Variants in SEH1L observed in about 807,000 individuals in gnomAD.
SEH1L encodes the protein SEH1 like nucleoporin, also known as nucleoporin SEH1.
A neutral mutation model predicts 49.5 loss-of-function variants in SEH1L; 18 were observed. The ratio of observed to expected loss-of-function variants is 0.36; its 90% confidence interval spans 0.25 to 0.54. The LOEUF (loss-of-function observed/expected upper bound fraction) is 0.54, where lower values mean the gene tolerates loss of function less well. Ranked by LOEUF, SEH1L falls within the 20% of genes least tolerant of loss-of-function variation. The pLI is 0.87. For missense variants in SEH1L, 404 were observed against 528.8 expected, an observed-to-expected ratio of 0.76 and a Z score of 2.31; for synonymous variants, 169 against 178.1, an observed-to-expected ratio of 0.95 and a Z score of 0.41.
intron 8 of SEH1L, 55 bp from the exon 9 acceptor site, chr18:12,986,807 T>TC: frequency 7.5e-7 from 1 of 1,325,798 alleles, no homozygotes; most frequent in Non-Finnish European, 9.7e-7. Flanking sequence ...TCTTGTGTTT[T>TC]TTTTTTCCTG....
intron 8 of SEH1L, chr18:12,986,275 G>GT (rs2032453835): frequency 1.0e-6 from 1 of 985,368 alleles, no homozygotes; most frequent in African/African-American, 1.7e-5. Flanking sequence ...AAGAATAACA[G>GT]TAGGGCACAG....
chr18:12,968,020 G>C (rs553163467), intron 4 of SEH1L, among the ~76,000 whole-genome samples: 2 of 152,290 alleles, frequency 1.3e-5, no homozygotes, highest in East Asian at 3.9e-4. Flanking sequence ...TAAATAGTGA[G>C]GATTGGCTAT....
chr18:12,948,087 CTG>C lies in SEH1L; in HGVS notation c.-33_-32del, dbSNP rs775570572. 6.5e-7 allele frequency: 1 copy of C among 1,549,394 alleles called. No individual in the cohort carries two copies. Among genetic ancestry groups the C allele is most frequent in the South Asian group, 1.1e-5 (1 of 89,140 alleles). Reference sequence around the variant, plus strand: ...CGCGCCGCCGCCGCTGCCGCCGCCACTGTCCTCTTCGGAGGCGCGGGCCCGAC... The same window carrying C: ...CGCGCCGCCGCCGCTGCCGCCGCCACTCCTCTTCGGAGGCGCGGGCCCGAC... On this transcript the variant is annotated 5_prime_UTR_variant, in exon 1 of 9. Coordinates refer to ENST00000399892, the MANE Select transcript of SEH1L (RefSeq NM_001013437.2).
chr18:12,958,064 CTTTTTTTTTTTTTTTTTTTT>C (rs57733399), intron 3 of SEH1L, among the ~76,000 whole-genome samples: 7 of 62,046 alleles, frequency 1.1e-4, no homozygotes, highest in East Asian at 5.5e-4. Context: ...CTCATTTTAA[CTTTTTTTTTTTTTTTTTTTT>C]TTTTTTTTTT....
intron 6 of SEH1L, 149 bp downstream of exon 6, chr18:12,979,041 T>A: frequency 1.3e-6 from 1 of 775,880 alleles, no homozygotes; most frequent in Non-Finnish European, 2.0e-6. Flanking sequence ...AAATGTTTTT[T>A]AAAAATGGTC....
intron 4 of SEH1L, among the ~76,000 whole-genome samples, chr18:12,967,226 A>T (rs1368568298): frequency 6.6e-6 from 1 of 152,254 alleles, no homozygotes; most frequent in African/African-American, 2.4e-5. Context: ...CATTTTTGTC[A>T]ACTGATCAGT....
At chr18:12,964,321 A>C (rs544964105) in intron 4 of SEH1L, 21 of 152,276 alleles carry the variant, frequency 1.4e-4, no homozygotes, top group Non-Finnish European at 2.9e-5. Context: ...TCTGGTAGTC[A>C]CTAGTATATT....
chr18:12,981,519 C>G (rs1341191615), intron 6 of SEH1L, among the ~76,000 whole-genome samples: 1 of 152,224 alleles, frequency 6.6e-6, no homozygotes, highest in Non-Finnish European at 1.5e-5. Context: ...CCGGCCAACA[C>G]CTACAGTTAC....
rs562927661 is a variant in SEH1L, at chr18:12,970,368, A to T, written c.522-785A>T. On this transcript the variant is annotated intron_variant, in intron 4 of 8. Transcript: ENST00000399892. ...GGAGGGGAATGACGTGGGGATCGTG[A>T]CTTCTGCAGGGGTAGTCTTTTCCAC... Among the ~76,000 whole-genome samples, 15 of 152,248 alleles carry T rather than the reference A, an allele frequency of 9.9e-5. No individual in the cohort carries two copies. In the South Asian group the frequency reaches 3.1e-3, roughly 32 times the overall value.
chr18:12,978,223 G>C (rs1598972873), intron 5 of SEH1L: 1 of 152,260 alleles, frequency 6.6e-6, no homozygotes, highest in Non-Finnish European at 1.5e-5. Flanking sequence ...ATTTCCTAGG[G>C]CTGCCATAAC....
chr18:12,970,520 A>G (rs562990344), intron 4 of SEH1L, among the ~76,000 whole-genome samples: 1 of 152,318 alleles, frequency 6.6e-6, no homozygotes, highest in South Asian at 2.1e-4. Flanking sequence ...TCCTGGGCGC[A>G]AGTGATCCTC....
Position 12,963,175 on chromosome 18 carries a change from C to T in SEH1L, c.325C>T (p.Leu109=). ...TTTTTTTTAGGTTAAAAGGACAACTCTGGTGGATAGCAGAACATCTGTTAC... is the reference window on the plus strand; with the variant it reads ...TTTTTTTTAGGTTAAAAGGACAACTTTGGTGGATAGCAGAACATCTGTTAC... ...GQSHWVKRTT[L]VDSRTSVTDV... is the part of the protein sequence containing the mutation. Residue 109 remains leucine, a synonymous_variant, in exon 4 of 9, where the codon CTG becomes TTG. Coordinates refer to ENST00000399892, the MANE Select transcript of SEH1L (RefSeq NM_001013437.2). 6.2e-7 allele frequency: 1 copy of T among 1,611,754 alleles called. No homozygotes were observed. The highest frequency in any genetic ancestry group is 8.5e-7 in the Non-Finnish European group (1 of 1,178,356).
chr18:12,986,919 C>A lies in SEH1L; in HGVS notation c.1128C>A (p.Ala376=). 2 of 1,613,178 alleles carry A rather than the reference C, an allele frequency of 1.2e-6. No homozygotes were observed. Among genetic ancestry groups the A allele is most frequent in the Non-Finnish European group, 1.7e-6 (2 of 1,179,580 alleles). The change falls in exon 9 of 9, where the codon GCC becomes GCA. Residue 376 remains alanine, a synonymous_variant. Transcript: ENST00000399892. The part of the protein sequence containing the change: ...PRAGSRWSSY[A]QLLPPPPPPL... Reference sequence around the variant, plus strand: ...CTGGATCGAGATGGTCCAGTTATGCCCAGCTCCTTCCTCCTCCTCCTCCTC... The same window carrying A: ...CTGGATCGAGATGGTCCAGTTATGCACAGCTCCTTCCTCCTCCTCCTCCTC...
intron 4 of SEH1L, among the ~76,000 whole-genome samples, chr18:12,967,507 A>G (rs2031502685): frequency 6.6e-6 from 1 of 152,270 alleles, no homozygotes; most frequent in African/African-American, 2.4e-5. Context: ...TAAACTGTGT[A>G]AAGGACATTC....
intron 4 of SEH1L, among the ~76,000 whole-genome samples, chr18:12,969,440 AG>A (rs1485381006): frequency 6.6e-6 from 1 of 151,980 alleles, no homozygotes; most frequent in East Asian, 1.9e-4. Flanking sequence ...CTGTAATCCC[AG>A]CACTTTGGGA....
chr18:12,962,132 A>G (rs1415601334), intron 3 of SEH1L, among the ~76,000 whole-genome samples: 1 of 152,058 alleles, frequency 6.6e-6, no homozygotes, highest in Non-Finnish European at 1.5e-5. Flanking sequence ...GCAGTGGCTC[A>G]CACCTGTAAT....
chr18:12,966,727 CT>C (rs1306083574), intron 4 of SEH1L, among the ~76,000 whole-genome samples: 1 of 152,152 alleles, frequency 6.6e-6, no homozygotes, highest in African/African-American at 2.4e-5. Context: ...TCAGTGGTCC[CT>C]TTAAAAATAA....
At position 12,986,002 on chromosome 18, in the gene SEH1L, T is replaced by C. The variant is rs182705813; in HGVS notation, c.1071-860T>C. ...TAAATGTTTCTTATATACATTTGTG[T>C]ATTTTTATGGTGTTATTTATTCCAT... On this transcript the variant is annotated intron_variant, in intron 8 of 8. Transcript: ENST00000399892. 8.1e-4 allele frequency: 733 copies of C among 909,068 alleles called. 5 individuals are homozygous for C. In the African/African-American group the frequency reaches 0.012, roughly 15 times the overall value. 56.3% of individuals were successfully genotyped at this position (909,068 alleles called of 1,614,324 possible). A position where few individuals can be genotyped will look rare whatever the true frequency, so the allele number is the denominator to read the frequency against.
intron 8 of SEH1L, chr18:12,986,227 A>G (rs2032451820): frequency 1.0e-6 from 1 of 985,284 alleles, no homozygotes; most frequent in East Asian, 1.1e-4. Context: ...AAGTTTGCTA[A>G]TATGCGTAAG....
Sources: gnomAD v4.1 joint callset for allele counts (sites outside exome capture counted in the v4.1 genomes callset) on GRCh38, gnomAD v4.1.1 for gene constraint, MANE v1.5 for transcripts, NCBI Gene and HGNC (gene_info 2026-07-23, HGNC 2026-07-21) for gene names.